TGFB2: variants seen among roughly 807,000 people sequenced by gnomAD.
The protein encoded by TGFB2 is transforming growth factor beta-2 proprotein.
TGFB2 carries 13 observed loss-of-function variants against 42.7 expected under a neutral mutation model. That is an observed-to-expected ratio of 0.30 (90% CI 0.20 to 0.48). The LOEUF (loss-of-function observed/expected upper bound fraction) is 0.48. Ranked by LOEUF, TGFB2 falls within the 20% of genes least tolerant of loss-of-function variation. The pLI is 0.99. For missense variants in TGFB2, 390 were observed against 517.5 expected (o/e 0.75, Z 2.39); for synonymous variants, 193 against 193.6 (o/e 1.00, Z 0.03).
chr1:218,352,410 T>A (rs947704969), intron 1 of TGFB2, among the ~76,000 whole-genome samples: 1 of 152,228 alleles, frequency 6.6e-6, no homozygotes, highest in African/African-American at 2.4e-5. Flanking sequence ...TGAAGGCATA[T>A]GTGTGCTTTC....
At chr1:218,369,256 G>GAAAAAAAAAAAA (rs34825461) in intron 1 of TGFB2, among the ~76,000 whole-genome samples, 3 of 35,658 alleles carry the variant, frequency 8.4e-5, no homozygotes, top group Non-Finnish European at 1.0e-4. Flanking sequence ...TTCCGTCTCA[G>GAAAAAAAAAAAA]AAAAAAAAAA....
At chr1:218,380,292 G>A (rs1363118919) in intron 1 of TGFB2, among the ~76,000 whole-genome samples, 2 of 152,164 alleles carry the variant, frequency 1.3e-5, no homozygotes, top group South Asian at 2.1e-4. Context: ...GTTTGGGGAC[G>A]GACATTCCAC....
At position 218,442,109 on chromosome 1, in the gene TGFB2, A is replaced by C. The variant is rs991967; in HGVS notation, c.*747A>C. 0.38 allele frequency: 57,100 copies of C among 151,828 alleles called. 11,651 individuals carry two copies. Among genetic ancestry groups the C allele is most frequent in the East Asian group, 0.72 (3,705 of 5,168 alleles). The allele number at this position is 151,828 out of a possible 1,614,324, so 9.4% of individuals were successfully genotyped here. On this transcript the variant is annotated 3_prime_UTR_variant, in exon 7 of 7. Coordinates refer to ENST00000366930, the MANE Select transcript of TGFB2 (RefSeq NM_003238.6). Reference sequence around the variant, plus strand: ...CTTGTAAGGTCCAAAAACTAAAAAGACTGTTAATAAAAGAAACTTTCAGTC... The same window carrying C: ...CTTGTAAGGTCCAAAAACTAAAAAGCCTGTTAATAAAAGAAACTTTCAGTC...
intron 2 of TGFB2, among the ~76,000 whole-genome samples, chr1:218,418,907 T>C (rs1289374481): frequency 1.3e-5 from 2 of 152,214 alleles, no homozygotes; most frequent in Non-Finnish European, 1.5e-5. Flanking sequence ...CTCAGCCAAG[T>C]GGAACTGTAA....
At chr1:218,397,750 A>G (rs1415903111) in intron 1 of TGFB2, among the ~76,000 whole-genome samples, 14 of 152,202 alleles carry the variant, frequency 9.2e-5, no homozygotes, top group Non-Finnish European at 1.5e-5. Flanking sequence ...TAGGATCCAT[A>G]TATCCACTGC....
Position 218,437,306 on chromosome 1 carries a change from T to TA in TGFB2, c.933-33dup, listed in dbSNP as rs771655428. 9 of 1,549,478 alleles carry TA rather than the reference T, an allele frequency of 5.8e-6. No homozygotes were observed. The East Asian group carries it at 9.2e-5, about 16-fold the overall frequency. Reference sequence around the variant, plus strand: ...TAGAGTGAGGGTGGTGAATCAGCTTTAAAATCTCCATTGCTTTTTTTTTTT... The same window carrying TA: ...TAGAGTGAGGGTGGTGAATCAGCTTTAAAAATCTCCATTGCTTTTTTTTTTT... On this transcript the variant is annotated intron_variant, in intron 5 of 6. Transcript: ENST00000366930.
At chr1:218,408,802 G>C (rs570786666) in intron 2 of TGFB2, among the ~76,000 whole-genome samples, 1 of 152,226 alleles carries the variant, frequency 6.6e-6, no homozygotes, top group South Asian at 2.1e-4. Flanking sequence ...AGCCTTTTTG[G>C]CACCAGGGAC....
At chr1:218,416,505 G>A (rs764360451) in intron 2 of TGFB2, among the ~76,000 whole-genome samples, 4 of 152,184 alleles carry the variant, frequency 2.6e-5, no homozygotes, top group Non-Finnish European at 5.9e-5. Context: ...GCGAAAGGTA[G>A]TGTTGATTTT....
chr1:218,438,709 A>C (rs1660051850), intron 6 of TGFB2, among the ~76,000 whole-genome samples: 1 of 152,200 alleles, frequency 6.6e-6, no homozygotes, highest in African/African-American at 2.4e-5. Flanking sequence ...AGATTAGAGA[A>C]GAGTTTTTCT....
intron 1 of TGFB2, among the ~76,000 whole-genome samples, chr1:218,385,795 C>T (rs143554190): frequency 6.6e-6 from 1 of 152,342 alleles, no homozygotes; most frequent in African/African-American, 2.4e-5. Flanking sequence ...AAGAATTAAG[C>T]TGTTAGAACT....
At chr1:218,381,685 A>C (rs1392803432) in intron 1 of TGFB2, among the ~76,000 whole-genome samples, 1 of 152,176 alleles carries the variant, frequency 6.6e-6, no homozygotes. Flanking sequence ...AATAAAACAA[A>C]ACTCTATCTC....
chr1:218,377,633 T>C (rs1657786689), intron 1 of TGFB2, among the ~76,000 whole-genome samples: 1 of 151,960 alleles, frequency 6.6e-6, no homozygotes, highest in Non-Finnish European at 1.5e-5. Flanking sequence ...AAATCAGAAA[T>C]CCTACTCTTC....
At chr1:218,363,723 G>A (rs1657293741) in intron 1 of TGFB2, among the ~76,000 whole-genome samples, 1 of 152,202 alleles carries the variant, frequency 6.6e-6, no homozygotes, top group Non-Finnish European at 1.5e-5. Context: ...GATCCCCATG[G>A]AGGCCACTCT....
intron 1 of TGFB2, among the ~76,000 whole-genome samples, chr1:218,348,254 C>T (rs1319614153): frequency 6.6e-6 from 1 of 152,182 alleles, no homozygotes; most frequent in Admixed American, 6.5e-5. Context: ...CTCTCCTCCC[C>T]TTTCCATGCC....
At chr1:218,434,283 G>T in intron 3 of TGFB2, 55 bp from the exon 4 acceptor site, 1 of 1,610,726 alleles carries the variant, frequency 6.2e-7, no homozygotes, top group Admixed American at 1.7e-5. Flanking sequence ...ATTGATTGCA[G>T]ATTTAAGGGT....
intron 1 of TGFB2, among the ~76,000 whole-genome samples, chr1:218,402,487 T>G (rs1385862541): frequency 6.6e-6 from 1 of 151,958 alleles, no homozygotes; most frequent in Non-Finnish European, 1.5e-5. Context: ...GACCTCATGG[T>G]CTGAGGCAGC....
intron 1 of TGFB2, among the ~76,000 whole-genome samples, chr1:218,347,333 G>C (rs944754090): frequency 1.3e-5 from 2 of 152,034 alleles, no homozygotes; most frequent in African/African-American, 2.4e-5. Context: ...TTCTTTAGTC[G>C]GCCACCAGCT....
chr1:218,408,695 G>A (rs1344771398), intron 2 of TGFB2, among the ~76,000 whole-genome samples: 1 of 152,060 alleles, frequency 6.6e-6, no homozygotes, highest in Non-Finnish European at 1.5e-5. Flanking sequence ...TTGACTATCT[G>A]TAGGGCCAGA....
At chr1:218,373,107 G>A (rs997943656) in intron 1 of TGFB2, among the ~76,000 whole-genome samples, 2 of 152,170 alleles carry the variant, frequency 1.3e-5, no homozygotes, top group South Asian at 4.1e-4. Context: ...GAATCTGGGA[G>A]GCGGAGGTTG....
Sources: gnomAD v4.1 joint callset for allele counts (sites outside exome capture counted in the v4.1 genomes callset) on GRCh38, gnomAD v4.1.1 for gene constraint, MANE v1.5 for transcripts, NCBI Gene and HGNC (gene_info 2026-07-23, HGNC 2026-07-21) for gene names.